XKR4: variants seen among roughly 807,000 people sequenced by gnomAD.
XKR4 encodes XK-related protein 4.
XKR4 carries 12 observed loss-of-function variants against 53.9 expected under a neutral mutation model. The observed-to-expected ratio is 0.22, with a 90% CI of 0.14 to 0.36. The LOEUF (loss-of-function observed/expected upper bound fraction) is 0.36, where lower values mean the gene tolerates loss of function less well. XKR4 is among the 10% of genes least tolerant of loss of function. The probability of loss-of-function intolerance (pLI) is 1.00; values close to 1 mark genes in which losing one functional copy is unlikely to be tolerated. For missense variants in XKR4, 799 were observed against 859.5 expected, an observed-to-expected ratio of 0.93 and a Z score of 0.88; for synonymous variants, 354 against 362.4, an observed-to-expected ratio of 0.98 and a Z score of 0.26.
chr8:55,289,637 G>A (rs1228782407), intron 1 of XKR4, among the ~76,000 whole-genome samples: 1 of 116,456 alleles, frequency 8.6e-6, no homozygotes, highest in Non-Finnish European at 1.8e-5. Flanking sequence ...AAGAAAGAAA[G>A]AAAGAAAGAA....
intron 1 of XKR4, among the ~76,000 whole-genome samples, chr8:55,242,622 G>T (rs1818225863): frequency 6.6e-6 from 1 of 152,290 alleles, no homozygotes; most frequent in Non-Finnish European, 1.5e-5. Context: ...CTTTCAAAAT[G>T]GCATCGATTA....
chr8:55,161,688 C>T, intron 1 of XKR4: 1 of 451,724 alleles, frequency 2.2e-6, no homozygotes, highest in Non-Finnish European at 4.5e-6. Flanking sequence ...CTGGTACCTG[C>T]CTACTGGTCA....
At chr8:55,522,086 A>G (rs898903968) in intron 2 of XKR4, among the ~76,000 whole-genome samples, 1 of 152,206 alleles carries the variant, frequency 6.6e-6, no homozygotes, top group African/African-American at 2.4e-5. Context: ...GGAATTTCCC[A>G]TAAGAGCTCT....
intron 2 of XKR4, among the ~76,000 whole-genome samples, chr8:55,417,913 C>T (rs1264807166): frequency 6.6e-6 from 1 of 152,082 alleles, no homozygotes; most frequent in Non-Finnish European, 1.5e-5. Flanking sequence ...AGGAATCTAT[C>T]AGGAGCTCGT....
At position 55,439,283 on chromosome 8, in the gene XKR4, C is replaced by T. The variant is rs148111830; in HGVS notation, c.1006+81406C>T. 3.0e-3 allele frequency among the ~76,000 whole-genome samples: 459 copies of T among 151,994 alleles called. 2 individuals carry two copies. Among genetic ancestry groups the T allele is most frequent in the African/African-American group, 0.011 (437 of 41,442 alleles). On this transcript the variant is annotated intron_variant, in intron 2 of 2. Coordinates refer to ENST00000327381, the MANE Select transcript of XKR4 (RefSeq NM_052898.2). ...TGAAAAATGCACATTAAATCCATGC[C>T]TCAAATAATGCCCACGTATAAAGTC...
chr8:55,276,291 A>G (rs562414226), intron 1 of XKR4, among the ~76,000 whole-genome samples: 142 of 152,328 alleles, frequency 9.3e-4, no homozygotes, highest in Non-Finnish European at 1.7e-3. Context: ...ACCCAGAGAA[A>G]CAAAGCTGCT....
intron 1 of XKR4, among the ~76,000 whole-genome samples, chr8:55,205,993 G>A (rs2129362868): frequency 6.6e-6 from 1 of 152,306 alleles, no homozygotes; most frequent in East Asian, 1.9e-4. Context: ...CCTTTGCAGT[G>A]AGTGTTACAG....
intron 2 of XKR4, among the ~76,000 whole-genome samples, chr8:55,418,926 T>G (rs1009074359): frequency 2.0e-5 from 3 of 152,140 alleles, no homozygotes; most frequent in African/African-American, 7.2e-5. Context: ...TTCTACCCAT[T>G]TTCCCATACT....
chr8:55,492,179 T>C (rs559789005), intron 2 of XKR4, among the ~76,000 whole-genome samples: 3 of 152,360 alleles, frequency 2.0e-5, no homozygotes, highest in East Asian at 1.9e-4. Context: ...AGGCCTGTTC[T>C]GTTGTTCAGT....
intron 2 of XKR4, among the ~76,000 whole-genome samples, chr8:55,385,665 C>T (rs569863984): frequency 2.0e-5 from 3 of 152,220 alleles, no homozygotes; most frequent in East Asian, 3.9e-4. Context: ...TTTGAAATAT[C>T]GGTCATTAGA....
intron 1 of XKR4, among the ~76,000 whole-genome samples, chr8:55,259,598 T>G: frequency 6.6e-6 from 1 of 152,138 alleles, no homozygotes. Flanking sequence ...GGACCCTGGC[T>G]TGATGTGCGT....
chr8:55,507,054 T>C (rs1806542124), intron 2 of XKR4, among the ~76,000 whole-genome samples: 1 of 152,250 alleles, frequency 6.6e-6, no homozygotes, highest in African/African-American at 2.4e-5. Flanking sequence ...TATGATTATC[T>C]GGTTCAAGTC....
intron 1 of XKR4, chr8:55,272,838 T>G (rs1434387579): frequency 2.3e-6 from 1 of 427,856 alleles, no homozygotes; most frequent in Non-Finnish European, 4.6e-6. Context: ...AGAATTATGT[T>G]TTAGAGTAAA....
chr8:55,498,650 G>A (rs1806392782), intron 2 of XKR4, among the ~76,000 whole-genome samples: 1 of 152,186 alleles, frequency 6.6e-6, no homozygotes, highest in Admixed American at 6.5e-5. Flanking sequence ...GCGTGTACCT[G>A]TAGTCCCAGC....
intron 1 of XKR4, among the ~76,000 whole-genome samples, chr8:55,107,727 A>G (rs528502807): frequency 6.6e-6 from 1 of 152,302 alleles, no homozygotes; most frequent in South Asian, 2.1e-4. Flanking sequence ...TAAGGAGGAT[A>G]TAGGTTACAC....
At chr8:55,134,251 G>A (rs1313442462) in intron 1 of XKR4, among the ~76,000 whole-genome samples, 1 of 152,224 alleles carries the variant, frequency 6.6e-6, no homozygotes, top group African/African-American at 2.4e-5. Context: ...GCTATTTGGA[G>A]TGGGACCTTC....
intron 2 of XKR4, among the ~76,000 whole-genome samples, chr8:55,367,814 C>T (rs1448018904): frequency 6.6e-6 from 1 of 152,172 alleles, no homozygotes; most frequent in African/African-American, 2.4e-5. Context: ...CCAAATCCGA[C>T]CACCCTTTGC....
intron 1 of XKR4, among the ~76,000 whole-genome samples, chr8:55,224,889 G>T (rs1312770637): frequency 6.6e-6 from 1 of 152,036 alleles, no homozygotes; most frequent in Non-Finnish European, 1.5e-5. Context: ...CATTTACTGT[G>T]CGTGATTTCA....
intron 1 of XKR4, among the ~76,000 whole-genome samples, chr8:55,193,144 C>A (rs1817465715): frequency 1.4e-5 from 2 of 143,642 alleles, no homozygotes; most frequent in African/African-American, 5.0e-5. Flanking sequence ...CTGCACTTCC[C>A]ATTTTCCCCC....
Sources: gnomAD v4.1 joint callset for allele counts (sites outside exome capture counted in the v4.1 genomes callset) on GRCh38, gnomAD v4.1.1 for gene constraint, MANE v1.5 for transcripts, NCBI Gene and HGNC (gene_info 2026-07-23, HGNC 2026-07-21) for gene names.